The following NAV1 variants were observed in gnomAD, a reference collection of about 807,000 sequenced individuals.
The protein encoded by NAV1 is pore membrane and/or filament interacting like protein 3.
Under a neutral mutation model 175.2 loss-of-function variants are expected in NAV1, and 18 were observed. The ratio of observed to expected loss-of-function variants is 0.10; its 90% CI spans 0.07 to 0.15. The LOEUF is 0.15. NAV1 is among the 10% of genes least tolerant of loss of function. The pLI is 1.00. For missense variants in NAV1, 1,731 were observed against 2,436.6 expected, an observed-to-expected ratio of 0.71 and a Z score of 6.10; for synonymous variants, 897 against 978.7, an observed-to-expected ratio of 0.92 and a Z score of 1.56.
chr1:201,572,968 A>G (rs1666590938), intron 1 of NAV1, among the ~76,000 whole-genome samples: 1 of 149,744 alleles, frequency 6.7e-6, no homozygotes, highest in Non-Finnish European at 1.5e-5. Flanking sequence ...TGCCCATCTC[A>G]CCTTCTAGAA....
intron 3 of NAV1, among the ~76,000 whole-genome samples, chr1:201,756,066 C>G (rs1426437728): frequency 6.9e-6 from 1 of 144,726 alleles, no homozygotes; most frequent in Non-Finnish European, 1.5e-5. Context: ...GAGGTTGCGC[C>G]ATTGCACTCC....
chr1:201,814,108 T>C (rs1207512265), intron 28 of NAV1, among the ~76,000 whole-genome samples: 1 of 151,998 alleles, frequency 6.6e-6, no homozygotes, highest in Non-Finnish European at 1.5e-5. Context: ...AGGCTGGGCC[T>C]GGTAGCTCTC....
In NAV1 at chr1:201,782,162, C is replaced by T; in HGVS notation, c.1664-14C>T. The T allele has an allele frequency of 1.3e-6, 2 of 1,558,552 alleles. No homozygotes were observed. The highest frequency in any genetic ancestry group is 1.7e-6 in the Non-Finnish European group (2 of 1,154,518). ...TCAGTTTCAGCTCTTTTCTCATTTC[C>T]CGTCCTCTTGCAGGCAAACCTGAGG... On this transcript the variant is annotated splice_polypyrimidine_tract_variant and intron_variant, in intron 5 of 29. Transcript: ENST00000367296. This position sits in a 1 kb window ranked among gnomAD's most constrained non-coding sequence, Gnocchi z 5.4.
intron 3 of NAV1, among the ~76,000 whole-genome samples, chr1:201,748,290 C>T (rs560591566): frequency 6.6e-6 from 1 of 152,262 alleles, no homozygotes; most frequent in South Asian, 2.1e-4. Flanking sequence ...TTGCTTTCAT[C>T]TTTTATGGGT....
At chr1:201,806,387 T>C (rs542355930) in intron 17 of NAV1, among the ~76,000 whole-genome samples, 1 of 152,364 alleles carries the variant, frequency 6.6e-6, no homozygotes, top group South Asian at 2.1e-4. Flanking sequence ...TAAACTCATT[T>C]AACCATGGAA....
intron 3 of NAV1, among the ~76,000 whole-genome samples, chr1:201,727,451 G>A (rs1672655452): frequency 6.6e-6 from 1 of 152,226 alleles, no homozygotes; most frequent in Non-Finnish European, 1.5e-5. Flanking sequence ...TATAGCATGT[G>A]CTTATTGTGC....
Position 201,820,620 on chromosome 1 carries a change from A to C in NAV1, c.*688A>C, listed in dbSNP as rs538377472. On this transcript the variant is annotated 3_prime_UTR_variant, in exon 30 of 30. Coordinates refer to ENST00000367296, the Ensembl canonical transcript of NAV1. The stretch of plus-strand genomic sequence containing the variant: ...CCTCTGGATGACATAGGGGACATCA[A>C]CAAGACGGCTGCCAACCTGAGAAGT... The C allele has an allele frequency of 2.0e-5, 3 of 152,374 alleles. No individual in the cohort carries two copies. In the East Asian group the frequency reaches 5.8e-4, roughly 29 times the overall value. 9.4% of individuals were successfully genotyped at this position (152,374 alleles called of 1,614,324 possible).
chr1:201,803,653 G>C, exon 16 of NAV1: 1 of 1,613,762 alleles, frequency 6.2e-7, no homozygotes, highest in Non-Finnish European at 8.5e-7. Flanking sequence ...AGCATCACTA[G>C]CCATTCCAGC....
At chr1:201,695,785 T>C (rs989615504) in intron 1 of NAV1, among the ~76,000 whole-genome samples, 14 of 152,172 alleles carry the variant, frequency 9.2e-5, no homozygotes, top group South Asian at 4.1e-4. Context: ...CTCACTTTGA[T>C]AGGGGTCCAA....
chr1:201,772,830 G>A (rs372212533), intron 3 of NAV1, among the ~76,000 whole-genome samples: 8 of 152,104 alleles, frequency 5.3e-5, no homozygotes, highest in Middle Eastern at 3.4e-3. Context: ...TCAGGAGATC[G>A]AGACCATCCT....
chr1:201,631,057 G>A (rs955714713), intron 2 of NAV1, among the ~76,000 whole-genome samples: 2 of 152,216 alleles, frequency 1.3e-5, no homozygotes, highest in African/African-American at 4.8e-5. Context: ...CTAGATCACG[G>A]TTGGGTACCT....
intron 1 of NAV1, among the ~76,000 whole-genome samples, chr1:201,568,071 T>C (rs1666413933): frequency 1.3e-5 from 2 of 152,166 alleles, no homozygotes; most frequent in African/African-American, 4.8e-5. Flanking sequence ...ATAGGCTGCC[T>C]GGGCTGTGTA....
intron 28 of NAV1, among the ~76,000 whole-genome samples, chr1:201,815,709 T>G (rs1289361612): frequency 2.0e-5 from 3 of 152,190 alleles, no homozygotes; most frequent in Non-Finnish European, 4.4e-5. Context: ...TATCATATAC[T>G]TGAAACTCAC....
At chr1:201,798,054 C>G (rs1677571156) in intron 15 of NAV1, 2 of 152,222 alleles carry the variant, frequency 1.3e-5, no homozygotes, top group Non-Finnish European at 2.9e-5. Context: ...CACAAGCCAA[C>G]CTTTTCCCTT....
chr1:201,549,125 T>TTC (rs1212331035), intron 1 of NAV1, among the ~76,000 whole-genome samples: 1 of 149,198 alleles, frequency 6.7e-6, no homozygotes, highest in African/African-American at 2.4e-5. Flanking sequence ...CTTTCTTTCT[T>TTC]TCTTTCTTTC....
chr1:201,548,443 C>T (rs762323523), intron 1 of NAV1, among the ~76,000 whole-genome samples: 5 of 152,170 alleles, frequency 3.3e-5, no homozygotes, highest in South Asian at 2.1e-4. Flanking sequence ...GCCACAGCTA[C>T]TTGGGAAGCT....
intron 3 of NAV1, among the ~76,000 whole-genome samples, chr1:201,742,681 T>A (rs957249299): frequency 2.6e-5 from 4 of 152,132 alleles, no homozygotes; most frequent in Non-Finnish European, 5.9e-5. Flanking sequence ...CTCACTACGG[T>A]TGCCTCACTC....
chr1:201,693,453 T>C (rs1482458757), intron 1 of NAV1, among the ~76,000 whole-genome samples: 1 of 152,176 alleles, frequency 6.6e-6, no homozygotes, highest in Admixed American at 6.5e-5. Context: ...TGCTGCCCAG[T>C]GCTGCGAGGG....
At chr1:201,642,540 T>TC (rs1668813426) in intron 2 of NAV1, among the ~76,000 whole-genome samples, 3 of 113,392 alleles carry the variant, frequency 2.6e-5, no homozygotes, top group Admixed American at 8.6e-5. Flanking sequence ...TTTCTTTCTT[T>TC]CTTTCTTTCT....
Sources: allele counts gnomAD v4.1 joint callset (sites outside exome capture counted in the v4.1 genomes callset), GRCh38; gene constraint gnomAD v4.1.1; non-coding constraint Gnocchi (gnomAD v3.1); transcripts MANE v1.5; gene names NCBI Gene and HGNC (gene_info 2026-07-23, HGNC 2026-07-21).